FAM193A: variants seen among roughly 807,000 people sequenced by gnomAD.
FAM193A encodes the protein protein FAM193A.
Under a neutral mutation model 126.5 loss-of-function variants are expected in FAM193A, and 22 were observed. The observed-to-expected ratio is 0.17, with a 90% CI of 0.12 to 0.25. FAM193A has a LOEUF of 0.25. FAM193A is among the 10% of genes least tolerant of loss of function. The pLI, the probability that FAM193A is intolerant of heterozygous loss-of-function variation, is 1.00. For synonymous variants in FAM193A, 761 were observed against 646.8 expected, an observed-to-expected ratio of 1.18 and a Z score of -2.68; for missense variants, 1,675 against 1,672.8, an observed-to-expected ratio of 1.00 and a Z score of -0.02.
At chr4:2,634,446 T>A (rs1370408159) in intron 5 of FAM193A, among the ~76,000 whole-genome samples, 1 of 152,170 alleles carries the variant, frequency 6.6e-6, no homozygotes, top group Non-Finnish European at 1.5e-5. Flanking sequence ...ACAAGGTTCA[T>A]GACAGCACAG....
At chr4:2,675,795 C>T (rs1436059645) in intron 13 of FAM193A, among the ~76,000 whole-genome samples, 3 of 152,044 alleles carry the variant, frequency 2.0e-5, no homozygotes, top group Non-Finnish European at 2.9e-5. Context: ...TAAACAATAA[C>T]TCCACTTCTC....
chr4:2,631,215 A>G (rs1743546723), intron 5 of FAM193A, 46 bp downstream of exon 5: 1 of 1,546,250 alleles, frequency 6.5e-7, no homozygotes, highest in Non-Finnish European at 8.8e-7. Flanking sequence ...TGAGCTGAAG[A>G]GAAGCATGTG....
intron 20 of FAM193A, among the ~76,000 whole-genome samples, chr4:2,729,242 C>T (rs1470073361): frequency 6.6e-6 from 1 of 152,130 alleles, no homozygotes; most frequent in Non-Finnish European, 1.5e-5. Context: ...GGTGTGTGAC[C>T]TTCCAGGTAC....
chr4:2,574,045 TTG>T (rs1739443318), intron 1 of FAM193A, among the ~76,000 whole-genome samples: 1 of 152,062 alleles, frequency 6.6e-6, no homozygotes, highest in African/African-American at 2.4e-5. Context: ...TTGGTTTTTA[TTG>T]TGTTATGAGG....
intron 13 of FAM193A, among the ~76,000 whole-genome samples, chr4:2,677,346 T>G (rs1714525720): frequency 6.6e-6 from 1 of 152,224 alleles, no homozygotes; most frequent in Non-Finnish European, 1.5e-5. Context: ...TGCTATATCT[T>G]TGCAGTAAGT....
intron 1 of FAM193A, among the ~76,000 whole-genome samples, chr4:2,590,747 G>C (rs1174964686): frequency 1.3e-5 from 2 of 151,912 alleles, no homozygotes; most frequent in Admixed American, 6.6e-5. Context: ...GTAGAAGTTG[G>C]CCAGGCGCAG....
Position 2,685,717 on chromosome 4 carries a change from C to T in FAM193A, c.2332-3789C>T, listed in dbSNP as rs114811331. Among the ~76,000 whole-genome samples, 663 of 152,268 alleles carry T rather than the reference C, an allele frequency of 4.4e-3. 1 individual carries two copies. The highest frequency in any genetic ancestry group is 0.015 in the African/African-American group (636 of 41,542). ...CGTGTGGGCCTCATGACTCAGTCTG[C>T]GGCTCTTGCTCCTCATGTCTTGCAC... On this transcript the variant is annotated intron_variant, in intron 13 of 20. Coordinates refer to ENST00000637812, the MANE Select transcript of FAM193A (RefSeq NM_001366318.2).
intron 12 of FAM193A, among the ~76,000 whole-genome samples, chr4:2,664,660 G>A (rs1383115856): frequency 1.2e-4 from 17 of 138,864 alleles, no homozygotes; most frequent in African/African-American, 3.5e-4. Context: ...TCTCCCTTTC[G>A]GGTTCAAGCA....
intron 13 of FAM193A, among the ~76,000 whole-genome samples, chr4:2,675,961 C>T (rs981942779): frequency 6.6e-6 from 1 of 152,212 alleles, no homozygotes; most frequent in Non-Finnish European, 1.5e-5. Flanking sequence ...TCGCATATTG[C>T]AGAATCTCCT....
intron 2 of FAM193A, among the ~76,000 whole-genome samples, chr4:2,602,297 C>G (rs760458467): frequency 4.0e-5 from 6 of 150,316 alleles, no homozygotes; most frequent in Non-Finnish European, 7.4e-5. Flanking sequence ...TCTTTGCCTT[C>G]CCAGAGGCCT....
chr4:2,681,988 T>G (rs1383833495), intron 13 of FAM193A, among the ~76,000 whole-genome samples: 7 of 125,868 alleles, frequency 5.6e-5, no homozygotes, highest in African/African-American at 1.8e-4. Context: ...TTTTTTTTGG[T>G]TTTTTTTTTT....
At chr4:2,562,817 A>T (rs1182904460) in intron 1 of FAM193A, among the ~76,000 whole-genome samples, 1 of 151,154 alleles carries the variant, frequency 6.6e-6, no homozygotes, top group Admixed American at 6.6e-5. Flanking sequence ...TTTAGTAGAG[A>T]CAGGGTTTCA....
intron 6 of FAM193A, among the ~76,000 whole-genome samples, chr4:2,644,297 A>G (rs927704355): frequency 2.0e-5 from 3 of 152,314 alleles, no homozygotes; most frequent in South Asian, 2.1e-4. Context: ...TCTTACTTCC[A>G]GGAGGAGCGG....
At chr4:2,655,596 G>T (rs531010586) in intron 7 of FAM193A, among the ~76,000 whole-genome samples, 25 of 152,108 alleles carry the variant, frequency 1.6e-4, no homozygotes, top group Non-Finnish European at 3.7e-4. Context: ...TCCCACTTCA[G>T]CCTCCTGAGT....
At chr4:2,678,360 G>GTGTT (rs766504170) in intron 13 of FAM193A, among the ~76,000 whole-genome samples, 1 of 120,162 alleles carries the variant, frequency 8.3e-6, no homozygotes, top group African/African-American at 3.2e-5. Flanking sequence ...GGTTTTGGTG[G>GTGTT]TTTTTTTTTT....
chr4:2,661,982 G>A lies in FAM193A; in HGVS notation c.1746-856G>A, dbSNP rs544481730. The stretch of plus-strand genomic sequence containing the variant: ...GCGGATCACGAGGTCAGGGGATTGA[G>A]ACTATCCTGGCTAACACAGTGAAAC... On this transcript the variant is annotated intron_variant, in intron 10 of 20. Coordinates refer to ENST00000637812, the MANE Select transcript of FAM193A (RefSeq NM_001366318.2). 6.6e-5 allele frequency among the ~76,000 whole-genome samples: 10 copies of A among 152,264 alleles called. No individual in the cohort carries two copies. The South Asian group carries it at 2.1e-3, about 32-fold the overall frequency.
chr4:2,557,328 G>A (rs1204860849), intron 1 of FAM193A, among the ~76,000 whole-genome samples: 1 of 152,112 alleles, frequency 6.6e-6, no homozygotes, highest in Non-Finnish European at 1.5e-5. Context: ...ATACTATTGA[G>A]CCTGGAGTTT....
intron 1 of FAM193A, among the ~76,000 whole-genome samples, chr4:2,538,576 A>G (rs189603488): frequency 6.7e-6 from 1 of 148,930 alleles, no homozygotes; most frequent in South Asian, 2.1e-4. Flanking sequence ...CTCATCCAGT[A>G]TCCTGGAGAT....
intron 1 of FAM193A, among the ~76,000 whole-genome samples, chr4:2,588,765 T>C (rs1397330875): frequency 6.6e-6 from 1 of 152,242 alleles, no homozygotes; most frequent in Non-Finnish European, 1.5e-5. Flanking sequence ...TAATACCTTA[T>C]GCAAAATGAC....
Sources: allele counts gnomAD v4.1 joint callset (sites outside exome capture counted in the v4.1 genomes callset), GRCh38; gene constraint gnomAD v4.1.1; transcripts MANE v1.5; gene names NCBI Gene and HGNC (gene_info 2026-07-23, HGNC 2026-07-21).